MROH2A: variants seen among roughly 807,000 people sequenced by gnomAD.
The protein encoded by MROH2A is maestro heat like repeat family member 2A.
A neutral mutation model predicts 200.4 loss-of-function variants in MROH2A; 174 were observed. The observed-to-expected ratio is 0.87, with a 90% CI of 0.77 to 0.98. MROH2A has a LOEUF of 0.98. MROH2A is among the 50% of genes least tolerant of loss of function. The probability of loss-of-function intolerance (pLI) is 0.00; values close to 1 mark genes in which losing one functional copy is unlikely to be tolerated. For synonymous variants in MROH2A, 829 were observed against 840.4 expected (o/e 0.99, Z 0.23); for missense variants, 2,045 against 2,139.6 (o/e 0.96, Z 0.87).
intron 15 of MROH2A, 119 bp from the exon 16 acceptor site, chr2:233,803,328 TG>T: frequency 9.7e-7 from 1 of 1,033,568 alleles, no homozygotes; most frequent in Non-Finnish European, 1.4e-6. Context: ...TCTGGGGGTT[TG>T]GGGAACAAGA....
chr2:233,783,566 A>T (rs1270824333), intron 3 of MROH2A, among the ~76,000 whole-genome samples: 1 of 150,034 alleles, frequency 6.7e-6, no homozygotes, highest in Non-Finnish European at 1.5e-5. Flanking sequence ...TATTTTGGTG[A>T]CAAGAGTCTC....
chr2:233,833,059 G>A, intron 41 of MROH2A, 79 bp from the exon 42 acceptor site: 2 of 1,449,110 alleles, frequency 1.4e-6, no homozygotes, highest in East Asian at 2.5e-5. Context: ...GCCCTTGCCT[G>A]CCATCACTGC....
chr2:233,793,414 G>C (rs76400515), intron 6 of MROH2A, among the ~76,000 whole-genome samples: 7 of 152,172 alleles, frequency 4.6e-5, no homozygotes, highest in Non-Finnish European at 7.3e-5. Flanking sequence ...ATGTGGGCAG[G>C]GTCATACTCC....
chr2:233,805,793 G>A (rs1702753904), intron 19 of MROH2A, among the ~76,000 whole-genome samples: 1 of 152,156 alleles, frequency 6.6e-6, no homozygotes, highest in Non-Finnish European at 1.5e-5. Context: ...TTTTCAAGAA[G>A]GGTGCCAAGA....
intron 14 of MROH2A, among the ~76,000 whole-genome samples, chr2:233,800,646 T>TGA (rs1225224104): frequency 6.6e-6 from 1 of 151,878 alleles, no homozygotes; most frequent in Admixed American, 6.6e-5. Context: ...TGTGTGTGTG[T>TGA]GTGTGTGTGT....
At chr2:233,811,543 G>A (rs1703155073) in intron 23 of MROH2A, among the ~76,000 whole-genome samples, 2 of 152,230 alleles carry the variant, frequency 1.3e-5, no homozygotes, top group African/African-American at 4.8e-5. Flanking sequence ...CTTTGAACCT[G>A]TACTTTCACG....
intron 28 of MROH2A, among the ~76,000 whole-genome samples, chr2:233,818,345 A>G (rs1703689941): frequency 6.6e-6 from 1 of 152,176 alleles, no homozygotes; most frequent in African/African-American, 2.4e-5. Flanking sequence ...AGATTGACCC[A>G]TGGAGGGCAT....
At chr2:233,814,476 G>A in intron 25 of MROH2A, 106 bp from the exon 26 acceptor site, 1 of 696,914 alleles carries the variant, frequency 1.4e-6, no homozygotes, top group Non-Finnish European at 2.5e-6. Flanking sequence ...CTGAACAGAA[G>A]TTAGTGGATG....
At position 233,818,710 on chromosome 2, in the gene MROH2A, G is replaced by C; in HGVS notation, c.3144G>C (p.Lys1048Asn). Reference protein sequence around the residue: ...PSKQKELEKCKGDLQSTDVEK... With the variant: ...PSKQKELEKCNGDLQSTDVEK... ...AGCAGAAGGAGCTTGAGAAATGTAA[G>C]GGGGACCTCCAGAGCACAGATGTGG... Residue 1048 changes from lysine to asparagine, a missense_variant, in exon 29 of 42, where the codon AAG becomes AAC. Physicochemically the swap from Lys to Asn is moderately conservative, Grantham distance 94. Coordinates refer to ENST00000389758, the MANE Select transcript of MROH2A (RefSeq NM_001394639.1). The C allele has an allele frequency of 7.1e-6, 11 of 1,550,376 alleles. No homozygotes were observed. The highest frequency in any genetic ancestry group is 9.6e-6 in the Non-Finnish European group (11 of 1,146,862).
intron 31 of MROH2A, among the ~76,000 whole-genome samples, chr2:233,821,240 G>A (rs1559477879): frequency 6.6e-6 from 1 of 152,210 alleles, no homozygotes; most frequent in Non-Finnish European, 1.5e-5. Flanking sequence ...GCCTGGGGTT[G>A]TCTTCCAGGA....
rs147467896 is a variant in MROH2A at position 233,798,510 on chromosome 2, C to T, written c.1253-264C>T. Among the ~76,000 whole-genome samples the T allele has an allele frequency of 2.1e-4, 32 of 152,274 alleles. No homozygotes were observed. In the South Asian group the frequency reaches 3.7e-3, roughly 18 times the overall value. On this transcript the variant is annotated intron_variant, in intron 11 of 41. Coordinates refer to ENST00000389758, the MANE Select transcript of MROH2A (RefSeq NM_001394639.1). ...CCCAGCTGCAGGACACTAAAGAGCT[C>T]GTAGGCAGAGATCTTGCCCTCAAGG... is the stretch of plus-strand genomic sequence containing the variant.
At chr2:233,790,447 TC>T (rs60683861) in intron 5 of MROH2A, among the ~76,000 whole-genome samples, 1,867 of 22,434 alleles carry the variant, frequency 0.083, 242 homozygotes, top group African/African-American at 0.16. Flanking sequence ...CCTTCCTCCC[TC>T]CCCCCCTTCC....
At chr2:233,832,929 T>C (rs1704882172) in intron 41 of MROH2A, among the ~76,000 whole-genome samples, 1 of 152,210 alleles carries the variant, frequency 6.6e-6, no homozygotes, top group Non-Finnish European at 1.5e-5. Context: ...GTGATTTCTG[T>C]CCCTGTTAGG....
Position 233,795,993 on chromosome 2 carries a change from T to C in MROH2A, c.1086T>C (p.His362=). ...VQVCNKAPAQ[H]QYSSQNLMEM... The stretch of plus-strand genomic sequence containing the variant: ...TGTGCAACAAGGCCCCGGCCCAGCA[T>C]CAGTACAGCAGCCAGAATCTGATGG... The change falls in exon 10 of 42, where the codon CAT becomes CAC. Residue 362 remains histidine, a synonymous_variant. Transcript: ENST00000389758. The C allele has an allele frequency of 6.4e-7, 1 of 1,550,578 alleles. No individual in the cohort carries two copies. Among genetic ancestry groups the C allele is most frequent in the Non-Finnish European group, 8.7e-7 (1 of 1,146,980 alleles).
Position 233,822,475 on chromosome 2 carries a change from G to A in MROH2A, c.3785G>A (p.Arg1262Gln), listed in dbSNP as rs1042908100. The A allele has an allele frequency of 2.0e-5, 31 of 1,550,468 alleles. No individual in the cohort carries two copies. The highest frequency in any genetic ancestry group is 8.3e-5 in the South Asian group (7 of 84,064). ...TLLLQLGSSH[R>Q]PEAAPPVLKM... ...CTGCTGCAGCTTGGAAGCAGCCACC[G>A]ACCAGAGGCCGCCCCGCCGGTCTTG... The change falls in exon 33 of 42, where the codon CGA (arginine) becomes CAA (glutamine). Residue 1262 changes from arginine (R) to glutamine (Q), a missense_variant. By Grantham distance (43) the Arg-to-Gln change is conservative. Transcript: ENST00000389758.
At chr2:233,787,535 C>CATATATACATATATATT (rs1194725391) in intron 3 of MROH2A, among the ~76,000 whole-genome samples, 2 of 103,944 alleles carry the variant, frequency 1.9e-5, no homozygotes, top group Non-Finnish European at 3.5e-5. Context: ...TTACATATAT[C>CATATATACATATATATT]ATATATACAT....
Position 233,833,250 on chromosome 2 carries a change from A to G in MROH2A, c.5016A>G (p.Gly1672=). 1 of 1,548,982 alleles carries G rather than the reference A, an allele frequency of 6.5e-7. No individual in the cohort carries two copies. Among genetic ancestry groups the G allele is most frequent in the Non-Finnish European group, 8.7e-7 (1 of 1,146,428 alleles). ...SQHGFLASPQ[G]MS is the part of the protein sequence containing the mutation. ...ATGGGTTTCTGGCTTCACCCCAAGG[A>G]ATGTCCTAGGTGGTCCAAACATAAG... The change falls in exon 42 of 42, where the codon GGA becomes GGG. Residue 1672 remains glycine, a synonymous_variant. Transcript: ENST00000389758.
In MROH2A at chr2:233,804,137, C is replaced by G; in HGVS notation, c.1836C>G (p.Pro612=). 2 of 1,550,584 alleles carry G rather than the reference C, an allele frequency of 1.3e-6. No homozygotes were observed. Among genetic ancestry groups the G allele is most frequent in the South Asian group, 1.2e-5 (1 of 84,068 alleles). The change falls in exon 17 of 42, where the codon CCC becomes CCG. Residue 612 remains proline, a synonymous_variant. Coordinates refer to ENST00000389758, the MANE Select transcript of MROH2A (RefSeq NM_001394639.1). ...LLRTLSQSIA[P]SMADMWELEI... Reference sequence around the variant, plus strand: ...GGACCCTGAGCCAGAGCATCGCACCCTCCATGGCCGACATGTGGGAGCTGG... The same window carrying G: ...GGACCCTGAGCCAGAGCATCGCACCGTCCATGGCCGACATGTGGGAGCTGG...
In MROH2A at chr2:233,802,213, G is replaced by A. The variant is rs771813961; in HGVS notation, c.1606G>A (p.Val536Met). ...GTGCTACATCATGGAGACAGACTAC[G>A]TGGAAGCTTTGACTCCTATCTGTAT... is the stretch of plus-strand genomic sequence containing the variant. ...LLCYIMETDY[V>M]EALTPICISL... Residue 536 changes from valine to methionine, a missense_variant, in exon 15 of 42, where the codon GTG (valine) becomes ATG (methionine). This residue lies in a region of MROH2A where 831 missense variants were observed against 800.0 expected (regional missense o/e 1.04). Coordinates refer to ENST00000389758, the MANE Select transcript of MROH2A (RefSeq NM_001394639.1). 2.3e-4 allele frequency: 356 copies of A among 1,550,424 alleles called. 1 individual carries two copies. Among genetic ancestry groups the A allele is most frequent in the Non-Finnish European group, 1.0e-4 (118 of 1,146,890 alleles).
Sources: gnomAD v4.1 joint callset for allele counts (sites outside exome capture counted in the v4.1 genomes callset) on GRCh38, gnomAD v4.1.1 for gene constraint, gnomAD v4.1.1 regional missense constraint, MANE v1.5 for transcripts, NCBI Gene and HGNC (gene_info 2026-07-23, HGNC 2026-07-21) for gene names.